The following MICU1 variants were observed in gnomAD, a reference collection of about 807,000 sequenced individuals.
MICU1 encodes the protein mitochondrial calcium uptake 1.
Under a neutral mutation model 56.8 loss-of-function variants are expected in MICU1, and 45 were observed. That is an observed-to-expected ratio of 0.79 (90% CI 0.62 to 1.02). The LOEUF (loss-of-function observed/expected upper bound fraction) is 1.02, where lower values mean the gene tolerates loss of function less well. MICU1 is among the 50% of genes least tolerant of loss of function. The probability of loss-of-function intolerance (pLI) is 0.00; values close to 1 mark genes in which losing one functional copy is unlikely to be tolerated. For synonymous variants in MICU1, 186 were observed against 195.1 expected (o/e 0.95, Z 0.39); for missense variants, 504 against 587.1 (o/e 0.86, Z 1.46).
chr10:72,448,840 G>T (rs1031081856), intron 8 of MICU1, among the ~76,000 whole-genome samples: 3 of 152,176 alleles, frequency 2.0e-5, no homozygotes, highest in African/African-American at 7.2e-5. Flanking sequence ...AACAGCCAGG[G>T]AGAAAATTTG....
chr10:72,619,338 G>A (rs141843487), intron 1 of MICU1, among the ~76,000 whole-genome samples: 115 of 152,256 alleles, frequency 7.6e-4, no homozygotes, highest in Middle Eastern at 3.4e-3. Context: ...CCAGCTACTC[G>A]GGAGGCTGAG....
rs867858792 is a variant in MICU1 at position 72,619,871 on chromosome 10, T to A, written c.-2+6139A>T. ...AAAGGCATAAAGACACAAAAACACA[T>A]GGTGAACATGGGGAGGAAAAAGTGT... On this transcript the variant is annotated intron_variant, in intron 1 of 11. Transcript: ENST00000361114. 3.9e-5 allele frequency among the ~76,000 whole-genome samples: 6 copies of A among 152,068 alleles called. No homozygotes were observed. In the South Asian group the frequency reaches 8.3e-4, roughly 21 times the overall value.
intron 5 of MICU1, among the ~76,000 whole-genome samples, chr10:72,520,948 CTA>C (rs1488419332): frequency 3.3e-5 from 5 of 152,028 alleles, no homozygotes; most frequent in Non-Finnish European, 4.4e-5. Context: ...GCAGGGGAAT[CTA>C]TGTTTTATGA....
chr10:72,463,363 G>T (rs1006801962), intron 8 of MICU1, among the ~76,000 whole-genome samples: 3 of 151,944 alleles, frequency 2.0e-5, no homozygotes, highest in African/African-American at 7.2e-5. Flanking sequence ...GCGCCCGGCC[G>T]CACTTTTAAT....
intron 5 of MICU1, chr10:72,531,519 A>AC (rs749743974): frequency 6.6e-6 from 1 of 152,128 alleles, no homozygotes; most frequent in Non-Finnish European, 1.5e-5. Context: ...GGATATCGAG[A>AC]CCATCCTGGC....
At chr10:72,422,148 A>C (rs1052841446) in intron 9 of MICU1, among the ~76,000 whole-genome samples, 4 of 152,208 alleles carry the variant, frequency 2.6e-5, no homozygotes, top group Non-Finnish European at 4.4e-5. Flanking sequence ...TGAGGTCACA[A>C]GGGTGGGGCC....
intron 2 of MICU1, among the ~76,000 whole-genome samples, chr10:72,565,611 C>T (rs1298648969): frequency 1.3e-5 from 2 of 149,542 alleles, no homozygotes; most frequent in Non-Finnish European, 3.0e-5. Flanking sequence ...GCACGTTGTG[C>T]ACATGTACCC....
intron 8 of MICU1, among the ~76,000 whole-genome samples, chr10:72,457,039 G>A (rs1192753317): frequency 6.6e-6 from 1 of 151,128 alleles, no homozygotes; most frequent in Non-Finnish European, 1.5e-5. Flanking sequence ...GCCCAGGTTG[G>A]TCTCAAGCTC....
intron 8 of MICU1, among the ~76,000 whole-genome samples, chr10:72,447,925 A>C (rs1865156165): frequency 6.6e-6 from 1 of 152,054 alleles, no homozygotes; most frequent in Non-Finnish European, 1.5e-5. Context: ...TTTTGAGGAC[A>C]CCATCTGTAA....
At chr10:72,566,537 T>C (rs1840443110) in intron 2 of MICU1, 96 bp downstream of exon 2, 12 of 1,260,462 alleles carry the variant, frequency 9.5e-6, no homozygotes, top group African/African-American at 3.0e-5. Flanking sequence ...GAAATTCTGA[T>C]ACAGAGTTAA....
intron 8 of MICU1, among the ~76,000 whole-genome samples, chr10:72,444,928 C>G (rs1865061438): frequency 6.6e-6 from 1 of 152,182 alleles, no homozygotes; most frequent in Admixed American, 6.5e-5. Context: ...TCTTAAATAC[C>G]TACGGAGAGA....
chr10:72,410,708 T>G (rs1863780402), intron 9 of MICU1, among the ~76,000 whole-genome samples: 1 of 152,230 alleles, frequency 6.6e-6, no homozygotes, highest in Non-Finnish European at 1.5e-5. Flanking sequence ...GGTAGTGGAC[T>G]GGAAGGCCTA....
At chr10:72,484,424 CCT>C (rs1398775436) in intron 6 of MICU1, among the ~76,000 whole-genome samples, 1 of 151,034 alleles carries the variant, frequency 6.6e-6, no homozygotes, top group African/African-American at 2.5e-5. Context: ...AAAAAAAAAT[CCT>C]CAGTCATCCA....
At chr10:72,619,239 T>C (rs1470971106) in intron 1 of MICU1, among the ~76,000 whole-genome samples, 4 of 151,884 alleles carry the variant, frequency 2.6e-5, no homozygotes, top group Admixed American at 6.6e-5. Flanking sequence ...GGTCAGGAGA[T>C]TGAGACCATC....
At chr10:72,440,344 A>G (rs1864878835) in intron 8 of MICU1, among the ~76,000 whole-genome samples, 2 of 152,254 alleles carry the variant, frequency 1.3e-5, no homozygotes, top group South Asian at 4.1e-4. Flanking sequence ...CTGGCTAGCC[A>G]TATGTAGAAG....
intron 8 of MICU1, among the ~76,000 whole-genome samples, chr10:72,431,094 G>GTCTGTCTGTCTATCTATCTATCTA (rs1554867912): frequency 2.1e-5 from 3 of 141,316 alleles, no homozygotes; most frequent in South Asian, 4.7e-4. Flanking sequence ...TTATCTGTCT[G>GTCTGTCTGTCTATCTATCTATCTA]TCTATCTATC....
At position 72,448,165 on chromosome 10, in the gene MICU1, A is replaced by ATGTGTGTGTG. The variant is rs71018288; in HGVS notation, c.934-24795_934-24794insCACACACACA. ...TGTGTGTGTGTCTGTGTGTGTGTATATGTGTGTGTATATATATATATATAT... is the reference window on the plus strand; with the variant it reads ...TGTGTGTGTGTCTGTGTGTGTGTATATGTGTGTGTGTGTGTGTGTATATATATATATATAT... On this transcript the variant is annotated intron_variant, in intron 8 of 11. Transcript: ENST00000361114. Among the ~76,000 whole-genome samples the ATGTGTGTGTG allele has an allele frequency of 6.5e-4, 56 of 85,632 alleles. 1 individual carries two copies. Among genetic ancestry groups the ATGTGTGTGTG allele is most frequent in the African/African-American group, 2.4e-3 (53 of 22,460 alleles). The allele number at this position is 85,632 out of a possible 152,430, so 56.2% of individuals were successfully genotyped here.
At chr10:72,474,969 TAAA>T in intron 8 of MICU1, 128 bp downstream of exon 8, 1 of 730,922 alleles carries the variant, frequency 1.4e-6, no homozygotes, top group Non-Finnish European at 2.2e-6. Context: ...TGTCAGTTTA[TAAA>T]GCACTGATAA....
chr10:72,382,463 G>A (rs948124070), intron 10 of MICU1, among the ~76,000 whole-genome samples: 2 of 152,164 alleles, frequency 1.3e-5, no homozygotes, highest in African/African-American at 4.8e-5. Flanking sequence ...GTATGGTAGT[G>A]AGTGATGTGG....
Sources: gnomAD v4.1 joint callset for allele counts (sites outside exome capture counted in the v4.1 genomes callset) on GRCh38, gnomAD v4.1.1 for gene constraint, MANE v1.5 for transcripts, NCBI Gene and HGNC (gene_info 2026-07-23, HGNC 2026-07-21) for gene names.